XIRP2: variants seen among roughly 807,000 people sequenced by gnomAD.
The protein encoded by XIRP2 is xin actin-binding repeat-containing protein 2.
A neutral mutation model predicts 277.0 loss-of-function variants in XIRP2; 236 were observed. The ratio of observed to expected loss-of-function variants is 0.85; its 90% CI spans 0.77 to 0.95. XIRP2 has a LOEUF of 0.95. XIRP2 is among the 40% of genes least tolerant of loss of function. The pLI is 0.00. For missense variants in XIRP2, 4,640 were observed against 4,157.5 expected (o/e 1.12, Z -3.19); for synonymous variants, 1,490 against 1,416.5 (o/e 1.05, Z -1.17).
chr2:167,240,764 T>C, intron 7 of XIRP2, 28 bp downstream of exon 7: 1 of 1,583,684 alleles, frequency 6.3e-7, no homozygotes, highest in African/African-American at 1.3e-5. Flanking sequence ...TTGGTTCCAA[T>C]ACTCCTTTCT....
intron 2 of XIRP2, among the ~76,000 whole-genome samples, chr2:167,119,243 T>A (rs1190487088): frequency 6.6e-6 from 1 of 152,164 alleles, no homozygotes; most frequent in Non-Finnish European, 1.5e-5. Context: ...CCCTTCTTTT[T>A]CACATTAGAT....
intron 2 of XIRP2, among the ~76,000 whole-genome samples, chr2:166,946,388 C>T (rs982076756): frequency 6.6e-6 from 1 of 152,096 alleles, no homozygotes; most frequent in Non-Finnish European, 1.5e-5. Flanking sequence ...TATATCTCAC[C>T]CAGACAAGGA....
chr2:166,943,535 G>A (rs1055288637), intron 2 of XIRP2, among the ~76,000 whole-genome samples: 1 of 152,160 alleles, frequency 6.6e-6, no homozygotes, highest in African/African-American at 2.4e-5. Flanking sequence ...TACTTCATGT[G>A]GCAAACAATG....
At chr2:167,229,486 T>C (rs1001553571) in intron 5 of XIRP2, among the ~76,000 whole-genome samples, 1 of 152,174 alleles carries the variant, frequency 6.6e-6, no homozygotes, top group Non-Finnish European at 1.5e-5. Flanking sequence ...AGACTCATTA[T>C]GCTTGTAGAA....
intron 2 of XIRP2, among the ~76,000 whole-genome samples, chr2:167,026,606 C>G (rs995152007): frequency 2.0e-5 from 3 of 152,114 alleles, no homozygotes; most frequent in Non-Finnish European, 2.9e-5. Context: ...TTGTTCCTTT[C>G]CATGTTTACT....
Position 167,221,478 on chromosome 2 carries a change from A to AGG in XIRP2, c.858+3178_858+3179insGG, listed in dbSNP as rs1559027633. Among the ~76,000 whole-genome samples, 99 of 142,524 alleles carry AGG rather than the reference A, an allele frequency of 6.9e-4. 1 individual carries two copies. Among genetic ancestry groups the AGG allele is most frequent in the African/African-American group, 2.5e-3 (93 of 36,638 alleles). 93.5% of individuals were successfully genotyped at this position (142,524 alleles called of 152,430 possible). ...TCCATCTCAAAAAAAAAAAAAAAAAAAAAAAAAGGAAAAAGTCATTTGTGT... is the reference window on the plus strand; with the variant it reads ...TCCATCTCAAAAAAAAAAAAAAAAAAGGAAAAAAAGGAAAAAGTCATTTGTGT... On this transcript the variant is annotated intron_variant, in intron 5 of 10. Transcript: ENST00000409195.
chr2:167,118,244 C>T (rs1244739646), intron 2 of XIRP2, among the ~76,000 whole-genome samples: 1 of 151,980 alleles, frequency 6.6e-6, no homozygotes, highest in African/African-American at 2.4e-5. Context: ...CTTTGCGAGG[C>T]CGTGATGGGC....
At chr2:166,904,517 A>G (rs951426561) in intron 2 of XIRP2, among the ~76,000 whole-genome samples, 2 of 152,176 alleles carry the variant, frequency 1.3e-5, no homozygotes, top group Non-Finnish European at 2.9e-5. Flanking sequence ...GTGTACTATA[A>G]TGTCACATAT....
intron 2 of XIRP2, among the ~76,000 whole-genome samples, chr2:167,115,704 C>CTG (rs1441068884): frequency 6.6e-6 from 1 of 152,080 alleles, no homozygotes; most frequent in Non-Finnish European, 1.5e-5. Flanking sequence ...CAGGTAGGGA[C>CTG]CACAGTTGGC....
chr2:167,241,864 T>C lies in XIRP2; in HGVS notation c.1130T>C (p.Ile377Thr). 1.2e-6 allele frequency: 2 copies of C among 1,613,574 alleles called. No homozygotes were observed. The highest frequency in any genetic ancestry group is 1.7e-6 in the Non-Finnish European group (2 of 1,179,732). Residue 377 changes from isoleucine to threonine, a missense_variant, in exon 8 of 11, where the codon ATC becomes ACC. Ile to Thr is a moderately conservative substitution (Grantham distance 89, BLOSUM62 -1). Coordinates refer to ENST00000409195, the MANE Select transcript of XIRP2 (RefSeq NM_152381.6). ...TTTGAAAAGTCTGCCCAGGAAAAGA[T>C]CCTTTATTCTGACAAAGAGATGACA... ...EQFEKSAQEK[I>T]LYSDKEMTTP... is the part of the protein sequence containing the mutation.
intron 2 of XIRP2, among the ~76,000 whole-genome samples, chr2:167,043,757 A>C (rs570173223): frequency 1.2e-4 from 18 of 152,204 alleles, no homozygotes; most frequent in African/African-American, 4.3e-4. Context: ...ATTCTACCAG[A>C]TATATAAAGA....
intron 3 of XIRP2, among the ~76,000 whole-genome samples, chr2:167,159,625 CAAAATATGTTGGG>C (rs1692305077): frequency 6.6e-6 from 1 of 151,802 alleles, no homozygotes; most frequent in Non-Finnish European, 1.5e-5. Context: ...AGACATTGGG[CAAAATATGTTGGG>C]AAAAATATTT....
intron 5 of XIRP2, among the ~76,000 whole-genome samples, chr2:167,232,468 T>C (rs1320220458): frequency 6.6e-6 from 1 of 151,872 alleles, no homozygotes; most frequent in African/African-American, 2.4e-5. Context: ...TATTGGGAGA[T>C]TTGCTTCTTC....
At chr2:167,136,762 A>T (rs756866613) in intron 3 of XIRP2, among the ~76,000 whole-genome samples, 3 of 152,186 alleles carry the variant, frequency 2.0e-5, no homozygotes, top group Non-Finnish European at 4.4e-5. Context: ...TGTCTATTGT[A>T]GTATTTGTGG....
intron 2 of XIRP2, among the ~76,000 whole-genome samples, chr2:167,003,171 T>C (rs1687415915): frequency 6.6e-6 from 1 of 151,750 alleles, no homozygotes; most frequent in South Asian, 2.1e-4. Context: ...GAAACTTATA[T>C]ACAAAAAATC....
At chr2:167,155,038 T>A (rs1317415327) in intron 3 of XIRP2, among the ~76,000 whole-genome samples, 1 of 151,664 alleles carries the variant, frequency 6.6e-6, no homozygotes, top group Non-Finnish European at 1.5e-5. Flanking sequence ...CTCCCAAGAC[T>A]AAACCAGGAA....
intron 3 of XIRP2, among the ~76,000 whole-genome samples, chr2:167,148,344 T>G (rs1199538888): frequency 6.9e-6 from 1 of 144,284 alleles, no homozygotes; most frequent in Non-Finnish European, 1.5e-5. Context: ...ATCGCACCAT[T>G]GCACTCCAGT....
chr2:167,224,424 T>A (rs58973182), intron 5 of XIRP2, among the ~76,000 whole-genome samples: 2 of 151,936 alleles, frequency 1.3e-5, no homozygotes, highest in African/African-American at 4.8e-5. Flanking sequence ...TTTTGTTTTT[T>A]TTTTAAGAGA....
Position 167,245,424 on chromosome 2 carries a change from T to G in XIRP2, c.4032T>G (p.His1344Gln). 1 of 1,613,558 alleles carries G rather than the reference T, an allele frequency of 6.2e-7. No homozygotes were observed. Among genetic ancestry groups the G allele is most frequent in the South Asian group, 1.1e-5 (1 of 91,060 alleles). ...CAGTTAAAAAAGAAGAGGTAATTCA[T>G]GGAGATGTGCGAGGAACAAGGTGGC... ...VTTVKKEEVIHGDVRGTRWLF... is the reference protein window; with the variant it reads ...VTTVKKEEVIQGDVRGTRWLF... The change falls in exon 9 of 11, where the codon CAT (histidine) becomes CAG (glutamine). Residue 1344 changes from histidine (H) to glutamine (Q), a missense_variant. Coordinates refer to ENST00000409195, the MANE Select transcript of XIRP2 (RefSeq NM_152381.6).
Sources: gnomAD v4.1 joint callset for allele counts (sites outside exome capture counted in the v4.1 genomes callset) on GRCh38, gnomAD v4.1.1 for gene constraint, MANE v1.5 for transcripts, NCBI Gene and HGNC (gene_info 2026-07-23, HGNC 2026-07-21) for gene names.